The following SPAG16 variants were observed in gnomAD, a reference collection of about 807,000 sequenced individuals.
The protein encoded by SPAG16 is sperm associated antigen 16.
A neutral mutation model predicts 80.4 loss-of-function variants in SPAG16; 86 were observed. The ratio of observed to expected loss-of-function variants is 1.07; its 90% confidence interval spans 0.90 to 1.28. SPAG16 has a LOEUF of 1.28. Ranked by LOEUF, SPAG16 falls within the 50% of genes most tolerant of loss-of-function variation. The pLI, the probability that SPAG16 is intolerant of heterozygous loss-of-function variation, is 0.00. For synonymous variants in SPAG16, 294 were observed against 265.9 expected, an observed-to-expected ratio of 1.11 and a Z score of -1.03; for missense variants, 870 against 765.3, an observed-to-expected ratio of 1.14 and a Z score of -1.61.
intron 6 of SPAG16, among the ~76,000 whole-genome samples, chr2:213,347,233 C>T (rs1355079769): frequency 6.6e-6 from 1 of 151,910 alleles, no homozygotes; most frequent in African/African-American, 2.4e-5. Context: ...GTGGTGATAT[C>T]CCCTTTATCA....
At chr2:214,199,204 C>T (rs781104748) in intron 15 of SPAG16, among the ~76,000 whole-genome samples, 5 of 152,068 alleles carry the variant, frequency 3.3e-5, no homozygotes, top group East Asian at 3.9e-4. Flanking sequence ...AGAGTTTTTC[C>T]GATGTTAACT....
chr2:214,237,668 T>G (rs1393374846), intron 15 of SPAG16, among the ~76,000 whole-genome samples: 1 of 152,098 alleles, frequency 6.6e-6, no homozygotes, highest in Non-Finnish European at 1.5e-5. Flanking sequence ...AACAATAATA[T>G]GTATAACATA....
At chr2:213,825,056 TACA>T (rs1218282952) in intron 10 of SPAG16, among the ~76,000 whole-genome samples, 5 of 152,184 alleles carry the variant, frequency 3.3e-5, no homozygotes, top group Non-Finnish European at 5.9e-5. Context: ...GTAGAAATGC[TACA>T]GATTTTTGCC....
chr2:213,730,484 G>C (rs748477996), intron 10 of SPAG16, among the ~76,000 whole-genome samples: 1 of 152,066 alleles, frequency 6.6e-6, no homozygotes, highest in Non-Finnish European at 1.5e-5. Context: ...TAGATTGATA[G>C]GTTTTTCTTT....
intron 10 of SPAG16, among the ~76,000 whole-genome samples, chr2:213,557,694 C>A (rs994747178): frequency 6.6e-6 from 1 of 152,156 alleles, no homozygotes; most frequent in Non-Finnish European, 1.5e-5. Context: ...CTCAAGCAAT[C>A]CTCCCACCTC....
chr2:213,827,282 G>A (rs1575261004), intron 10 of SPAG16, among the ~76,000 whole-genome samples: 2 of 151,624 alleles, frequency 1.3e-5, no homozygotes, highest in African/African-American at 4.8e-5. Flanking sequence ...TTTTATTGAA[G>A]GTGATTTTCT....
chr2:213,659,663 A>C (rs1029773812), intron 10 of SPAG16, among the ~76,000 whole-genome samples: 1 of 152,214 alleles, frequency 6.6e-6, no homozygotes, highest in South Asian at 2.1e-4. Context: ...TTTTAAACAC[A>C]TTTAAGCACA....
At chr2:213,690,467 A>G (rs1005342112) in intron 10 of SPAG16, among the ~76,000 whole-genome samples, 2 of 152,208 alleles carry the variant, frequency 1.3e-5, no homozygotes, top group African/African-American at 4.8e-5. Context: ...ATTCATGAGT[A>G]TGATGGTTAA....
At chr2:214,231,871 A>C (rs1472296214) in intron 15 of SPAG16, among the ~76,000 whole-genome samples, 2 of 152,094 alleles carry the variant, frequency 1.3e-5, no homozygotes, top group Non-Finnish European at 2.9e-5. Context: ...TCTTTCAAAG[A>C]ATGAGATTAA....
At chr2:214,253,885 A>C (rs536461029) in intron 15 of SPAG16, among the ~76,000 whole-genome samples, 5 of 152,254 alleles carry the variant, frequency 3.3e-5, no homozygotes, top group African/African-American at 1.2e-4. Flanking sequence ...TCTATAAATT[A>C]CTTTGGGCAA....
In SPAG16 at chr2:213,877,689, A is replaced by G. The variant is rs76424867; in HGVS notation, c.1214+15061A>G. ...TTAGGGAGAGGATGAGGATACCATAATATCCACTTATGTATTTCCAACACC... is the reference window on the plus strand; with the variant it reads ...TTAGGGAGAGGATGAGGATACCATAGTATCCACTTATGTATTTCCAACACC... On this transcript the variant is annotated intron_variant, in intron 11 of 15. Transcript: ENST00000331683. Among the ~76,000 whole-genome samples, 96 of 152,162 alleles carry G rather than the reference A, an allele frequency of 6.3e-4. 2 individuals carry two copies. In the East Asian group the frequency reaches 0.018, roughly 28 times the overall value.
intron 12 of SPAG16, among the ~76,000 whole-genome samples, chr2:213,936,024 TAGC>T (rs138600951): frequency 0.14 from 20,886 of 152,034 alleles, 1,893 homozygotes; most frequent in Non-Finnish European, 0.2. Flanking sequence ...TGAAAAGGGA[TAGC>T]AGGCATTGGA....
intron 11 of SPAG16, among the ~76,000 whole-genome samples, chr2:213,869,264 A>AT (rs1553648743): frequency 2.3e-3 from 147 of 63,576 alleles, no homozygotes; most frequent in Middle Eastern, 0.013. Context: ...AAAAAAAAAA[A>AT]ATATATATAT....
intron 11 of SPAG16, among the ~76,000 whole-genome samples, chr2:213,905,267 G>A (rs1218458499): frequency 6.6e-6 from 1 of 152,038 alleles, no homozygotes; most frequent in Non-Finnish European, 1.5e-5. Context: ...ATGTGGTTGG[G>A]GATATGCTAT....
At chr2:213,676,126 G>T (rs1182148563) in intron 10 of SPAG16, among the ~76,000 whole-genome samples, 10 of 151,486 alleles carry the variant, frequency 6.6e-5, no homozygotes, top group African/African-American at 2.4e-4. Context: ...GGATTCCTAG[G>T]TATTTTATTC....
At chr2:214,384,404 G>A (rs1700632797) in intron 15 of SPAG16, among the ~76,000 whole-genome samples, 1 of 152,172 alleles carries the variant, frequency 6.6e-6, no homozygotes, top group Non-Finnish European at 1.5e-5. Context: ...AAATATAACA[G>A]TTAATATGAA....
At chr2:213,579,027 G>A (rs939571015) in intron 10 of SPAG16, among the ~76,000 whole-genome samples, 3 of 151,986 alleles carry the variant, frequency 2.0e-5, no homozygotes, top group Admixed American at 1.3e-4. Flanking sequence ...TACAGTAGCC[G>A]AATCAGTGTT....
chr2:213,425,256 C>T (rs1474355605), intron 9 of SPAG16, among the ~76,000 whole-genome samples: 1 of 151,956 alleles, frequency 6.6e-6, no homozygotes, highest in Admixed American at 6.6e-5. Context: ...GGAAGCAGAG[C>T]TTGCAGTGAG....
intron 10 of SPAG16, among the ~76,000 whole-genome samples, chr2:213,772,071 C>G (rs2069282890): frequency 6.6e-6 from 1 of 152,106 alleles, no homozygotes. Flanking sequence ...ATTGATTCTT[C>G]CTGTCTGAGC....
Sources: allele counts gnomAD v4.1 joint callset (sites outside exome capture counted in the v4.1 genomes callset), GRCh38; gene constraint gnomAD v4.1.1; transcripts MANE v1.5; gene names NCBI Gene and HGNC (gene_info 2026-07-23, HGNC 2026-07-21).